Variants in PLEKHG4 observed in about 807,000 individuals in gnomAD.
PLEKHG4 encodes the protein puratrophin-1.
PLEKHG4 carries 85 observed loss-of-function variants against 136.9 expected under a neutral mutation model. That is an observed-to-expected ratio of 0.62 (90% CI 0.52 to 0.74). PLEKHG4 has a LOEUF of 0.74. PLEKHG4 is among the 30% of genes least tolerant of loss of function. The pLI is 0.00. For synonymous variants in PLEKHG4, 577 were observed against 646.9 expected (o/e 0.89, Z 1.64); for missense variants, 1,317 against 1,527.8 (o/e 0.86, Z 2.30).
In PLEKHG4 at chr16:67,285,323, G is replaced by A. The variant is rs368485618; in HGVS notation, c.2229G>A (p.Thr743=). Residue 743 remains threonine (T), a synonymous_variant, in exon 14 of 22, where the codon ACG becomes ACA. Transcript: ENST00000379344. The stretch of plus-strand genomic sequence containing the variant: ...TGGTGCTGGCAGAGATGGTGGCCAC[G>A]GAGCGGGAGTATGTCCGGGCTCTAG... ...LQLVLAEMVA[T]EREYVRALEY... is the part of the protein sequence containing the mutation. 1.8e-5 allele frequency: 29 copies of A among 1,614,064 alleles called. No individual in the cohort carries two copies. The highest frequency in any genetic ancestry group is 3.3e-5 in the Admixed American group (2 of 60,016).
chr16:67,279,979 G>A lies in PLEKHG4; in HGVS notation c.-66G>A, dbSNP rs970117889. 11 of 1,538,478 alleles carry A rather than the reference G, an allele frequency of 7.1e-6. No homozygotes were observed. In the African/African-American group the frequency reaches 9.6e-5, roughly 13 times the overall value. On this transcript the variant is annotated 5_prime_UTR_variant, in exon 2 of 22. Coordinates refer to ENST00000379344, the MANE Select transcript of PLEKHG4 (RefSeq NM_001129729.3). ...TGAGTCCCACTCGACTGTCTTCAGC[G>A]CGGTTCACACTGAGACCCAGCCCTC...
Position 67,287,075 on chromosome 16 carries a change from G to C in PLEKHG4, c.3001G>C (p.Ala1001Pro). Reference protein sequence around the residue: ...RFEIWFRRRKARDTFVLQASS... With the variant: ...RFEIWFRRRKPRDTFVLQASS... Reference sequence around the variant, plus strand: ...CGAGATCTGGTTCCGCCGCCGCAAGGCCAGGGACACCTTTGTGCTGCAGGC... The same window carrying C: ...CGAGATCTGGTTCCGCCGCCGCAAGCCCAGGGACACCTTTGTGCTGCAGGC... Residue 1001 changes from alanine (A) to proline (P), a missense_variant, in exon 18 of 22, where the codon GCC (alanine) becomes CCC (proline). Ala to Pro is a conservative substitution (Grantham distance 27). Coordinates refer to ENST00000379344, the MANE Select transcript of PLEKHG4 (RefSeq NM_001129729.3). The C allele has an allele frequency of 6.2e-7, 1 of 1,613,336 alleles. No individual in the cohort carries two copies. The highest frequency in any genetic ancestry group is 8.5e-7 in the Non-Finnish European group (1 of 1,180,048).
rs1310167768 is a variant in PLEKHG4 at position 67,280,040 on chromosome 16, G to A, written c.-5G>A. ...CCCGAGCAGGCCCACCTTTAGGAGG[G>A]CGTGATGGAAAGGCCCCTGGAGAAT... On this transcript the variant is annotated 5_prime_UTR_variant, in exon 2 of 22. Coordinates refer to ENST00000379344, the MANE Select transcript of PLEKHG4 (RefSeq NM_001129729.3). The surrounding 1 kb of genome is among the most constrained non-coding windows in gnomAD (Gnocchi z 4.4). 3.7e-6 allele frequency: 6 copies of A among 1,612,440 alleles called. No homozygotes were observed. The highest frequency in any genetic ancestry group is 3.3e-5 in the Admixed American group (2 of 60,000).
intron 13 of PLEKHG4, 37 bp downstream of exon 13, chr16:67,285,252 G>C (rs1036207524): frequency 3.1e-6 from 5 of 1,613,608 alleles, no homozygotes; most frequent in Non-Finnish European, 4.2e-6. Flanking sequence ...GGCAGTAAAG[G>C]AGAGATGTCT....
rs2036359874 is a variant in PLEKHG4, at chr16:67,284,315, C to T, written c.1550C>T (p.Thr517Ile). 6.2e-7 allele frequency: 1 copy of T among 1,613,928 alleles called. No individual in the cohort carries two copies. The stretch of plus-strand genomic sequence containing the variant: ...GGGGAGAAGTTTCTGCAGCCGCTGA[C>T]TGGCTGGGAGGCGGCTGAACTGGAC... Reference protein sequence around the residue: ...RQGEKFLQPLTGWEAAELDPP... With the variant: ...RQGEKFLQPLIGWEAAELDPP... The change falls in exon 12 of 22, where the codon ACT (threonine) becomes ATT (isoleucine). Residue 517 changes from threonine (T) to isoleucine (I), a missense_variant. Transcript: ENST00000379344. The surrounding 1 kb of genome is among the most constrained non-coding windows in gnomAD (Gnocchi z 4.4).
In PLEKHG4 at chr16:67,281,997, C is replaced by G; in HGVS notation, c.1006-12C>G. 6.2e-7 allele frequency: 1 copy of G among 1,608,544 alleles called. No individual in the cohort carries two copies. The highest frequency in any genetic ancestry group is 8.5e-7 in the Non-Finnish European group (1 of 1,175,644). On this transcript the variant is annotated splice_polypyrimidine_tract_variant and intron_variant, in intron 7 of 21. Coordinates refer to ENST00000379344, the MANE Select transcript of PLEKHG4 (RefSeq NM_001129729.3). ...TGCATGCTGCTCCGGTCATGCCTGCCCCTGCTTACAGCGGCTGGAAGCTCT... is the reference window on the plus strand; with the variant it reads ...TGCATGCTGCTCCGGTCATGCCTGCGCCTGCTTACAGCGGCTGGAAGCTCT...
At position 67,281,262 on chromosome 16, in the gene PLEKHG4, C is replaced by T. The variant is rs549890027; in HGVS notation, c.813+78C>T. 33 of 1,156,132 alleles carry T rather than the reference C, an allele frequency of 2.9e-5. No homozygotes were observed. In the African/African-American group the frequency reaches 2.9e-4, roughly 10 times the overall value. 71.6% of individuals were successfully genotyped at this position (1,156,132 alleles called of 1,614,324 possible). A position where few individuals can be genotyped will look rare whatever the true frequency, so the allele number is the denominator to read the frequency against. On this transcript the variant is annotated intron_variant, in intron 5 of 21. Transcript: ENST00000379344. ...TTTTGAGACGGAGTCTTGCCTTTGTCGCCCAGGCTGGAGTGCAGTGGCGCA... is the reference window on the plus strand; with the variant it reads ...TTTTGAGACGGAGTCTTGCCTTTGTTGCCCAGGCTGGAGTGCAGTGGCGCA...
At chr16:67,288,111 A>G in intron 19 of PLEKHG4, 56 bp from the exon 20 acceptor site, 1 of 1,568,616 alleles carries the variant, frequency 6.4e-7, no homozygotes, top group Non-Finnish European at 8.8e-7. Flanking sequence ...TTTCCTTGGG[A>G]TCTGGGGCCA....
chr16:67,282,406 ACTCATCTGGCTAGCT>A, intron 9 of PLEKHG4, 57 bp downstream of exon 9: 1 of 1,612,158 alleles, frequency 6.2e-7, no homozygotes, highest in Non-Finnish European at 8.5e-7. Context: ...CTATGCCAGG[ACTCATCTGGCTAGCT>A]CAGAACCTGG....
rs775058260 is a variant in PLEKHG4, at chr16:67,284,424, G to A, written c.1659G>A (p.Ala553=). The change falls in exon 12 of 22, where the codon GCG becomes GCA. Residue 553 remains alanine (A), a synonymous_variant. Transcript: ENST00000379344. The surrounding 1 kb of genome is among the most constrained non-coding windows in gnomAD (Gnocchi z 4.4). ...TGGCCCAGCGGTGCCAGCGGCTGGC[G>A]GATGCTGAGAGGCTGTTTCAGCTCT... ...RALAQRCQRL[A]DAERLFQLFR... 102 of 1,613,924 alleles carry A rather than the reference G, an allele frequency of 6.3e-5. No individual in the cohort carries two copies. Among genetic ancestry groups the A allele is most frequent in the Non-Finnish European group, 7.1e-5 (84 of 1,180,010 alleles).
In PLEKHG4 at chr16:67,288,966, GACTA is replaced by G; in HGVS notation, c.*162_*165del. The G allele has an allele frequency of 3.5e-6, 3 of 852,046 alleles. No homozygotes were observed. The highest frequency in any genetic ancestry group is 5.9e-6 in the Non-Finnish European group (3 of 512,538). The allele number at this position is 852,046 out of a possible 1,614,324, so 52.8% of individuals were successfully genotyped here. A position where few individuals can be genotyped will look rare whatever the true frequency, so the allele number is the denominator to read the frequency against. ...CCCTTTCTGATGTGTGTGGCCATTG[GACTA>G]ACTGGCACGGGGCCTCTCTAGGGAA... On this transcript the variant is annotated 3_prime_UTR_variant, in exon 22 of 22. Coordinates refer to ENST00000379344, the MANE Select transcript of PLEKHG4 (RefSeq NM_001129729.3).
Position 67,284,439 on chromosome 16 carries a change from G to A in PLEKHG4, c.1674G>A (p.Leu558=), listed in dbSNP as rs1597381541. 6.2e-7 allele frequency: 1 copy of A among 1,613,794 alleles called. No homozygotes were observed. The highest frequency in any genetic ancestry group is 1.3e-5 in the African/African-American group (1 of 74,892). The change falls in exon 12 of 22, where the codon CTG becomes CTA. Residue 558 remains leucine, a synonymous_variant. Transcript: ENST00000379344. The surrounding 1 kb of genome is among the most constrained non-coding windows in gnomAD (Gnocchi z 4.4). ...AGCGGCTGGCGGATGCTGAGAGGCT[G>A]TTTCAGCTCTTCAGGGAGGTGGGTG... ...RCQRLADAER[L]FQLFREALTW... is the part of the protein sequence containing the mutation.
At position 67,282,627 on chromosome 16, in the gene PLEKHG4, A is replaced by G. The variant is rs183299265; in HGVS notation, c.1378A>G (p.Ser460Gly). ...GGTCCAAACACTGGAGGCCCGGGAA[A>G]GCGGACTGCACCAGGTCGGAACTAC... is the stretch of plus-strand genomic sequence containing the variant. Reference protein sequence around the residue: ...ELVQTLEARESGLHQIEVWLQ... With the variant: ...ELVQTLEAREGGLHQIEVWLQ... Residue 460 changes from serine to glycine, a missense_variant, in exon 10 of 22, where the codon AGC becomes GGC. Ser to Gly is a moderately conservative substitution (Grantham distance 56, BLOSUM62 0). Transcript: ENST00000379344. The G allele has an allele frequency of 1.2e-6, 2 of 1,613,914 alleles. No homozygotes were observed.
upstream of PLEKHG4, chr16:67,278,798 G>C (rs1201974233): frequency 6.6e-6 from 1 of 152,272 alleles, no homozygotes; most frequent in Non-Finnish European, 1.5e-5. Flanking sequence ...CAGGTAAGTG[G>C]AGAAGCCAGG....
At chr16:67,288,137 T>C (rs768408877) in intron 19 of PLEKHG4, 30 bp from the exon 20 acceptor site, 3 of 1,595,710 alleles carry the variant, frequency 1.9e-6, no homozygotes, top group Non-Finnish European at 2.6e-6. Flanking sequence ...GGCTCTGGCC[T>C]GTCCCAACCT....
At chr16:67,288,688 G>T (rs1182798484) in intron 21 of PLEKHG4, 84 bp downstream of exon 21, 1 of 1,600,516 alleles carries the variant, frequency 6.2e-7, no homozygotes, top group African/African-American at 1.3e-5. Context: ...CCCCAGCCCA[G>T]GCTAGGCCTT....
chr16:67,282,941 C>A (rs895871825), intron 11 of PLEKHG4, 83 bp downstream of exon 11: 1 of 986,520 alleles, frequency 1.0e-6, no homozygotes, highest in Non-Finnish European at 1.6e-6. Context: ...GAAAGCAATT[C>A]AATCCTTTGC....
At chr16:67,285,777 G>A (rs1471077324) in intron 14 of PLEKHG4, among the ~76,000 whole-genome samples, 5 of 152,186 alleles carry the variant, frequency 3.3e-5, no homozygotes, top group Non-Finnish European at 5.9e-5. Flanking sequence ...AATTACTGGC[G>A]GGGCAGGGGC....
chr16:67,285,078 C>G lies in PLEKHG4; in HGVS notation c.2058C>G (p.Leu686=). 1 of 1,613,416 alleles carries G rather than the reference C, an allele frequency of 6.2e-7. No individual in the cohort carries two copies. Among genetic ancestry groups the G allele is most frequent in the Non-Finnish European group, 8.5e-7 (1 of 1,180,032 alleles). Residue 686 remains leucine (L), a synonymous_variant, in exon 13 of 22, where the codon CTC becomes CTG. Transcript: ENST00000379344. ...TCGATCGGAATCTGGGGCAGAGTCT[C>G]AGTGAACCTGCCTGCCACTGCCACC... ...YSFDRNLGQS[L]SEPACHCHHA...
Sources: allele counts gnomAD v4.1 joint callset (sites outside exome capture counted in the v4.1 genomes callset), GRCh38; gene constraint gnomAD v4.1.1; non-coding constraint Gnocchi (gnomAD v3.1); transcripts MANE v1.5; gene names NCBI Gene and HGNC (gene_info 2026-07-23, HGNC 2026-07-21).